Variants in PARD3B observed in about 807,000 individuals in gnomAD.
PARD3B encodes the protein par-3 family cell polarity regulator beta, also known as partitioning defective 3 homolog B.
Under a neutral mutation model 130.2 loss-of-function variants are expected in PARD3B, and 103 were observed. That is an observed-to-expected ratio of 0.79 (90% confidence interval 0.67 to 0.93). The LOEUF (loss-of-function observed/expected upper bound fraction) is 0.93. Among genes scored for constraint, PARD3B ranks in the 40% least tolerant of loss-of-function variants. PARD3B has a pLI of 0.00. For missense variants in PARD3B, 1,609 were observed against 1,499.2 expected (o/e 1.07, Z -1.21); for synonymous variants, 583 against 553.2 (o/e 1.05, Z -0.76).
chr2:204,558,386 T>A (rs189252304), intron 1 of PARD3B, among the ~76,000 whole-genome samples: 1 of 152,290 alleles, frequency 6.6e-6, no homozygotes, highest in East Asian at 1.9e-4. Flanking sequence ...ATCATAAGCA[T>A]TCCTATACAC....
At chr2:204,685,586 A>G (rs1461970932) in intron 1 of PARD3B, among the ~76,000 whole-genome samples, 2 of 152,204 alleles carry the variant, frequency 1.3e-5, no homozygotes, top group African/African-American at 2.4e-5. Context: ...CTCTGAACAC[A>G]GTTTGAGTTG....
intron 1 of PARD3B, among the ~76,000 whole-genome samples, chr2:204,555,288 G>T (rs1489896734): frequency 6.6e-6 from 1 of 152,168 alleles, no homozygotes; most frequent in African/African-American, 2.4e-5. Context: ...GCCTGGTACG[G>T]TGGCTCACAC....
intron 4 of PARD3B, chr2:205,048,145 G>A (rs183994662): frequency 6.6e-6 from 1 of 152,650 alleles, no homozygotes; most frequent in African/African-American, 2.4e-5. Flanking sequence ...GTTTCGTAAT[G>A]TCCAAGGATA....
chr2:204,695,909 T>C (rs1302706970), intron 2 of PARD3B, among the ~76,000 whole-genome samples: 1 of 151,956 alleles, frequency 6.6e-6, no homozygotes, highest in African/African-American at 2.4e-5. Flanking sequence ...AAACAAAAAT[T>C]GCATTTTTCT....
At chr2:204,928,042 G>A (rs976136925) in intron 2 of PARD3B, among the ~76,000 whole-genome samples, 1 of 152,090 alleles carries the variant, frequency 6.6e-6, no homozygotes, top group Non-Finnish European at 1.5e-5. Flanking sequence ...CATGTTAGCT[G>A]AGCAGTTCTG....
intron 21 of PARD3B, among the ~76,000 whole-genome samples, chr2:205,543,951 G>A (rs1185513769): frequency 6.6e-6 from 1 of 152,106 alleles, no homozygotes; most frequent in Non-Finnish European, 1.5e-5. Flanking sequence ...CAGCTAAAAG[G>A]GATAGTATAA....
chr2:205,471,359 T>C (rs1013228179), intron 20 of PARD3B, among the ~76,000 whole-genome samples: 1 of 146,212 alleles, frequency 6.8e-6, no homozygotes, highest in Admixed American at 6.8e-5. Flanking sequence ...TTTTCTTTTT[T>C]TTTTTTTTTT....
At chr2:205,072,858 T>C (rs1700826046) in intron 4 of PARD3B, among the ~76,000 whole-genome samples, 1 of 152,138 alleles carries the variant, frequency 6.6e-6, no homozygotes, top group African/African-American at 2.4e-5. Flanking sequence ...TGAGATAGAT[T>C]AGAATTAAAA....
rs867399507 is a variant in PARD3B at position 205,238,849 on chromosome 2, A to T, written c.2141-6929A>T. Among the ~76,000 whole-genome samples the T allele has an allele frequency of 2.8e-3, 212 of 76,896 alleles. 4 individuals are homozygous for T. The highest frequency in any genetic ancestry group is 5.7e-3 in the South Asian group (11 of 1,942). 50.4% of individuals were successfully genotyped at this position (76,896 alleles called of 152,430 possible). ...AAACTCCGTTTCAAAAAAAAAAAAA[A>T]ATATATATATATATATATATATATA... On this transcript the variant is annotated intron_variant, in intron 15 of 22. Coordinates refer to ENST00000406610, the MANE Select transcript of PARD3B (RefSeq NM_001302769.2).
intron 14 of PARD3B, among the ~76,000 whole-genome samples, chr2:205,188,392 G>A (rs1222644864): frequency 6.6e-6 from 1 of 152,142 alleles, no homozygotes; most frequent in Non-Finnish European, 1.5e-5. Flanking sequence ...GGAGAGCAGT[G>A]GAGAAGCATT....
intron 15 of PARD3B, among the ~76,000 whole-genome samples, chr2:205,206,082 T>C (rs2037280012): frequency 6.6e-6 from 1 of 152,000 alleles, no homozygotes; most frequent in Non-Finnish European, 1.5e-5. Flanking sequence ...GTCCTGGGCT[T>C]TTTTTTGGTT....
intron 1 of PARD3B, among the ~76,000 whole-genome samples, chr2:204,667,613 A>G (rs1330617097): frequency 6.6e-6 from 1 of 152,128 alleles, no homozygotes; most frequent in Non-Finnish European, 1.5e-5. Flanking sequence ...TCTTTGTTAC[A>G]GATCTTATAA....
intron 1 of PARD3B, among the ~76,000 whole-genome samples, chr2:204,629,450 G>C (rs16836422): frequency 0.09 from 13,718 of 152,086 alleles, 810 homozygotes; most frequent in East Asian, 0.24. Flanking sequence ...TCAAAACCGT[G>C]TTCAGGCATC....
chr2:205,029,608 A>C (rs993489331), intron 3 of PARD3B, among the ~76,000 whole-genome samples: 2 of 152,148 alleles, frequency 1.3e-5, no homozygotes, highest in Non-Finnish European at 2.9e-5. Flanking sequence ...TCTTGCTCCT[A>C]CAGCGCTTTC....
At chr2:204,803,393 A>T (rs1324521106) in intron 2 of PARD3B, among the ~76,000 whole-genome samples, 1 of 152,090 alleles carries the variant, frequency 6.6e-6, no homozygotes, top group Non-Finnish European at 1.5e-5. Context: ...ACAAAGTATT[A>T]TGACATTGTA....
chr2:204,598,784 A>G (rs1380934241), intron 1 of PARD3B, among the ~76,000 whole-genome samples: 4 of 151,952 alleles, frequency 2.6e-5, no homozygotes, highest in Admixed American at 6.6e-5. Context: ...ATCCATCATT[A>G]TTTCCTTAAG....
At chr2:205,246,568 T>A (rs1346379900) in intron 16 of PARD3B, among the ~76,000 whole-genome samples, 1 of 152,164 alleles carries the variant, frequency 6.6e-6, no homozygotes, top group Non-Finnish European at 1.5e-5. Context: ...GGAGAAAATG[T>A]CCATTTTGCT....
intron 16 of PARD3B, among the ~76,000 whole-genome samples, chr2:205,298,759 G>C (rs1336243045): frequency 6.6e-6 from 1 of 152,090 alleles, no homozygotes; most frequent in Non-Finnish European, 1.5e-5. Context: ...TCTTATTTTA[G>C]AAATGAGGAC....
chr2:205,274,616 CTACT>C lies in PARD3B; in HGVS notation c.2186-25908_2186-25905del, dbSNP rs2040868840. Among the ~76,000 whole-genome samples the C allele has an allele frequency of 6.6e-6, 1 of 151,772 alleles. No homozygotes were observed. The highest frequency in any genetic ancestry group is 2.4e-5 in the African/African-American group (1 of 41,356). On this transcript the variant is annotated intron_variant, in intron 16 of 22. Transcript: ENST00000406610. This position sits in a 1 kb window ranked among gnomAD's most constrained non-coding sequence, Gnocchi z 4.2. ...ACATTGATTTTTTTATAAATCATTTCTACTTACTTTCTATCTGAATATTATCTAT... is the reference window on the plus strand; with the variant it reads ...ACATTGATTTTTTTATAAATCATTTCTACTTTCTATCTGAATATTATCTAT...
Sources: gnomAD v4.1 joint callset for allele counts (sites outside exome capture counted in the v4.1 genomes callset) on GRCh38, gnomAD v4.1.1 for gene constraint, Gnocchi (gnomAD v3.1) non-coding constraint, MANE v1.5 for transcripts, NCBI Gene and HGNC (gene_info 2026-07-23, HGNC 2026-07-21) for gene names.